The following MRC1 variants were observed in gnomAD, a reference collection of about 807,000 sequenced individuals.
MRC1 encodes the protein macrophage mannose receptor 1.
A neutral mutation model predicts 102.9 loss-of-function variants in MRC1; 62 were observed. The observed-to-expected ratio is 0.60, with a 90% CI of 0.49 to 0.74. The LOEUF (loss-of-function observed/expected upper bound fraction) is 0.74. MRC1 is among the 30% of genes least tolerant of loss of function. The probability of loss-of-function intolerance (pLI) is 0.00; values close to 1 mark genes in which losing one functional copy is unlikely to be tolerated. For synonymous variants in MRC1, 457 were observed against 298.4 expected (o/e 1.53, Z -5.48); for missense variants, 1,237 against 862.8 (o/e 1.43, Z -5.43).
chr10:17,906,298 CTT>C (rs1184231740), intron 26 of MRC1, among the ~76,000 whole-genome samples: 62 of 136,130 alleles, frequency 4.6e-4, no homozygotes, highest in Admixed American at 4.5e-4. Context: ...TAACCCATGT[CTT>C]TTTTTTTTTT....
chr10:17,812,383 A>T (rs1838237625), intron 1 of MRC1, among the ~76,000 whole-genome samples: 1 of 152,178 alleles, frequency 6.6e-6, no homozygotes, highest in Admixed American at 6.5e-5. Context: ...TTTGGCTCAC[A>T]GGTAGTGGTG....
intron 1 of MRC1, among the ~76,000 whole-genome samples, chr10:17,813,896 G>T (rs1377367428): frequency 1.3e-5 from 2 of 151,712 alleles, no homozygotes; most frequent in East Asian, 1.9e-4. Context: ...ATGGGGTTTT[G>T]CCATGTTGTC....
At chr10:17,824,627 A>C (rs1470856891) in intron 2 of MRC1, among the ~76,000 whole-genome samples, 6 of 152,160 alleles carry the variant, frequency 3.9e-5, no homozygotes, top group Non-Finnish European at 8.8e-5. Flanking sequence ...TATGAGGGGC[A>C]AGCTAAGTGA....
chr10:17,814,220 A>G (rs2130572654), intron 1 of MRC1, among the ~76,000 whole-genome samples: 1 of 152,250 alleles, frequency 6.6e-6, no homozygotes, highest in East Asian at 1.9e-4. Flanking sequence ...CTTCATTATG[A>G]TCTTTAGACT....
In MRC1 at chr10:17,845,419, T is replaced by A. The variant is rs2130634211; in HGVS notation, c.1047T>A (p.Ser349=). ...ICKKGNTTLN[S]FVIPSESDVP... The stretch of plus-strand genomic sequence containing the variant: ...AAAAGGGCAACACCACTTTAAATTC[T>A]TTTGTTATTCCCTCAGGTAAGTGAT... The change falls in exon 6 of 30, where the codon TCT becomes TCA. Residue 349 remains serine, a synonymous_variant. Coordinates refer to ENST00000569591, the MANE Select transcript of MRC1 (RefSeq NM_002438.4). 1.3e-6 allele frequency: 1 copy of A among 780,884 alleles called. No homozygotes were observed. Among genetic ancestry groups the A allele is most frequent in the Admixed American group, 1.7e-5 (1 of 59,036 alleles). 48.4% of individuals were successfully genotyped at this position (780,884 alleles called of 1,614,324 possible). A position where few individuals can be genotyped will look rare whatever the true frequency, so the allele number is the denominator to read the frequency against.
In MRC1 at chr10:17,845,401, C is replaced by A. The variant is rs1838811299; in HGVS notation, c.1029C>A (p.Gly343=). 5 of 780,808 alleles carry A rather than the reference C, an allele frequency of 6.4e-6. No homozygotes were observed. 48.4% of individuals were successfully genotyped at this position (780,808 alleles called of 1,614,324 possible). A position where few individuals can be genotyped will look rare whatever the true frequency, so the allele number is the denominator to read the frequency against. Residue 343 remains glycine, a synonymous_variant, in exon 6 of 30, where the codon GGC becomes GGA. Coordinates refer to ENST00000569591, the MANE Select transcript of MRC1 (RefSeq NM_002438.4). ...AACTGGGCTATATTTGCAAAAAGGG[C>A]AACACCACTTTAAATTCTTTTGTTA... is the stretch of plus-strand genomic sequence containing the variant. ...VQKLGYICKK[G]NTTLNSFVIP...
intron 22 of MRC1, among the ~76,000 whole-genome samples, chr10:17,889,074 A>G (rs1386075767): frequency 6.6e-6 from 1 of 152,172 alleles, no homozygotes; most frequent in Non-Finnish European, 1.5e-5. Context: ...TCTGAAATTA[A>G]TATAGCTGGT....
intron 21 of MRC1, 106 bp from the exon 22 acceptor site, chr10:17,885,163 A>C: frequency 1.3e-6 from 1 of 755,878 alleles, no homozygotes; most frequent in South Asian, 1.5e-5. Flanking sequence ...TAACAATGAC[A>C]CAAGTCACAT....
intron 3 of MRC1, among the ~76,000 whole-genome samples, chr10:17,828,874 G>C (rs559457628): frequency 6.6e-6 from 1 of 151,576 alleles, no homozygotes; most frequent in South Asian, 2.1e-4. Context: ...GCACATTTTA[G>C]GTGGAGTGGA....
intron 5 of MRC1, among the ~76,000 whole-genome samples, chr10:17,841,308 A>G (rs1009991426): frequency 6.9e-4 from 105 of 152,284 alleles, no homozygotes; most frequent in Middle Eastern, 6.8e-3. Flanking sequence ...GGTATTTGCA[A>G]TATTGCTGTC....
intron 26 of MRC1, among the ~76,000 whole-genome samples, chr10:17,903,392 CTTTTTTTT>C (rs35118275): frequency 1.1e-5 from 1 of 88,862 alleles, no homozygotes; most frequent in African/African-American, 4.4e-5. Context: ...CTTTTTTTTT[CTTTTTTTT>C]TTTTTTTTTT....
chr10:17,905,146 C>T (rs931837651), intron 26 of MRC1, among the ~76,000 whole-genome samples: 1 of 152,106 alleles, frequency 6.6e-6, no homozygotes, highest in Non-Finnish European at 1.5e-5. Context: ...AGAGCTCCAA[C>T]CCCATTTTAG....
At chr10:17,905,766 G>A (rs1271616586) in intron 26 of MRC1, among the ~76,000 whole-genome samples, 2 of 152,256 alleles carry the variant, frequency 1.3e-5, no homozygotes, top group South Asian at 2.1e-4. Flanking sequence ...GACCCTCAAG[G>A]TTCAGAAAGC....
At chr10:17,885,505 C>G (rs920223354) in intron 22 of MRC1, 70 bp downstream of exon 22, 10 of 759,668 alleles carry the variant, frequency 1.3e-5, no homozygotes, top group Non-Finnish European at 2.5e-5. Flanking sequence ...TTATTGATTA[C>G]TGTTCCATGA....
chr10:17,812,842 A>G (rs1264362187), intron 1 of MRC1, among the ~76,000 whole-genome samples: 2 of 152,082 alleles, frequency 1.3e-5, no homozygotes, highest in East Asian at 1.9e-4. Context: ...AAGTGCTGAC[A>G]TTACAGGCAT....
At chr10:17,904,058 C>A (rs1589197195) in intron 26 of MRC1, among the ~76,000 whole-genome samples, 1 of 152,234 alleles carries the variant, frequency 6.6e-6, no homozygotes, top group Non-Finnish European at 1.5e-5. Flanking sequence ...CTGCCTTCCT[C>A]TGTGCTGTTA....
intron 15 of MRC1, among the ~76,000 whole-genome samples, 164 bp downstream of exon 15, chr10:17,872,290 T>C (rs897662268): frequency 3.9e-4 from 59 of 152,210 alleles, no homozygotes; most frequent in Non-Finnish European, 7.4e-4. Flanking sequence ...TAAGCACAGA[T>C]AAATGTGCCA....
intron 3 of MRC1, among the ~76,000 whole-genome samples, chr10:17,832,600 G>T (rs998281679): frequency 0.65 from 95,917 of 146,970 alleles, 31,913 homozygotes; most frequent in Middle Eastern, 0.71. Context: ...TATTTATTTA[G>T]TTTTTGAGAC....
At chr10:17,830,005 A>T (rs1238665747) in intron 3 of MRC1, among the ~76,000 whole-genome samples, 6 of 151,532 alleles carry the variant, frequency 4.0e-5, no homozygotes, top group African/African-American at 1.5e-4. Flanking sequence ...AAATAAATTG[A>T]TTTGGTTTCA....
Sources: allele counts gnomAD v4.1 joint callset (sites outside exome capture counted in the v4.1 genomes callset), GRCh38; gene constraint gnomAD v4.1.1; transcripts MANE v1.5; gene names NCBI Gene and HGNC (gene_info 2026-07-23, HGNC 2026-07-21).